The following LRRTM4 variants were observed in gnomAD, a reference collection of about 807,000 sequenced individuals.
LRRTM4 encodes leucine rich repeat transmembrane neuronal 4.
In LRRTM4, 25 loss-of-function variants were observed where a neutral mutation model predicts 47.6. The ratio of observed to expected loss-of-function variants is 0.53; its 90% confidence interval spans 0.38 to 0.73. The LOEUF (loss-of-function observed/expected upper bound fraction) is 0.73. Ranked by LOEUF, LRRTM4 falls within the 30% of genes least tolerant of loss-of-function variation. The pLI, the probability that LRRTM4 is intolerant of heterozygous loss-of-function variation, is 0.00. For synonymous variants in LRRTM4, 311 were observed against 269.5 expected, an observed-to-expected ratio of 1.15 and a Z score of -1.51; for missense variants, 638 against 713.4, an observed-to-expected ratio of 0.89 and a Z score of 1.20.
chr2:76,788,684 G>T (rs1424676309), intron 3 of LRRTM4, among the ~76,000 whole-genome samples: 1 of 152,146 alleles, frequency 6.6e-6, no homozygotes, highest in African/African-American at 2.4e-5. Flanking sequence ...CAATCTTGTA[G>T]GACTGTGTGT....
chr2:76,997,865 G>A (rs1025994577), intron 3 of LRRTM4, among the ~76,000 whole-genome samples: 2 of 151,838 alleles, frequency 1.3e-5, no homozygotes, highest in Non-Finnish European at 2.9e-5. Flanking sequence ...GTGGCATCAT[G>A]AGATTCTCAA....
chr2:76,816,332 T>C (rs907148161), intron 3 of LRRTM4, among the ~76,000 whole-genome samples: 1 of 152,062 alleles, frequency 6.6e-6, no homozygotes, highest in Non-Finnish European at 1.5e-5. Context: ...CACCGACATC[T>C]GAAGTATAAT....
In LRRTM4 at chr2:77,500,189, G is replaced by A. The variant is rs556657554; in HGVS notation, c.1551+18129C>T. 2.6e-5 allele frequency among the ~76,000 whole-genome samples: 4 copies of A among 151,832 alleles called. No individual in the cohort carries two copies. In the East Asian group the frequency reaches 7.8e-4, roughly 30 times the overall value. On this transcript the variant is annotated intron_variant, in intron 3 of 3. Coordinates refer to ENST00000409884, the MANE Select transcript of LRRTM4 (RefSeq NM_001134745.3). ...ATGTTCTTGGACCAAATCACCCACA[G>A]TAAGGCTTTTCCTCCTCAGAATTAT...
chr2:76,773,625 TA>T lies in LRRTM4; in HGVS notation c.1552-24710del, dbSNP rs1673814847. Among the ~76,000 whole-genome samples, 10 of 151,794 alleles carry T rather than the reference TA, an allele frequency of 6.6e-5. No homozygotes were observed. In the South Asian group the frequency reaches 1.4e-3, roughly 22 times the overall value. The stretch of plus-strand genomic sequence containing the variant: ...CAAAGGAACAACTAAAAATAAAAAA[TA>T]AATAATAAATTATTAAAATTCCCCT... On this transcript the variant is annotated intron_variant, in intron 3 of 3. Coordinates refer to ENST00000409884, the MANE Select transcript of LRRTM4 (RefSeq NM_001134745.3).
intron 3 of LRRTM4, among the ~76,000 whole-genome samples, chr2:77,246,003 A>T (rs936424138): frequency 6.6e-6 from 1 of 152,198 alleles, no homozygotes; most frequent in Non-Finnish European, 1.5e-5. Context: ...AATGCCACTA[A>T]ATACACTGTA....
intron 3 of LRRTM4, among the ~76,000 whole-genome samples, chr2:77,332,590 T>C (rs1671010719): frequency 6.6e-6 from 1 of 152,284 alleles, no homozygotes; most frequent in East Asian, 1.9e-4. Context: ...TTGCTAATCA[T>C]ATTTATTTTT....
chr2:77,327,046 G>A (rs945407864), intron 3 of LRRTM4, among the ~76,000 whole-genome samples: 5 of 152,116 alleles, frequency 3.3e-5, no homozygotes, highest in African/African-American at 1.2e-4. Context: ...CTTTAATCTG[G>A]AGTTTTCTCT....
At chr2:76,965,499 C>T (rs888666670) in intron 3 of LRRTM4, among the ~76,000 whole-genome samples, 1 of 151,194 alleles carries the variant, frequency 6.6e-6, no homozygotes, top group African/African-American at 2.4e-5. Flanking sequence ...TCTTTAATTT[C>T]TAAACATTTA....
At chr2:77,036,903 T>C (rs1027039132) in intron 3 of LRRTM4, among the ~76,000 whole-genome samples, 28 of 151,752 alleles carry the variant, frequency 1.8e-4, no homozygotes, top group African/African-American at 6.8e-4. Flanking sequence ...GATTATTTAT[T>C]AACCTAAGGT....
intron 3 of LRRTM4, among the ~76,000 whole-genome samples, chr2:76,925,074 G>C (rs11886794): frequency 0.063 from 9,605 of 151,960 alleles, 738 homozygotes; most frequent in African/African-American, 0.17. Flanking sequence ...ATAATACATT[G>C]TATGGCAAAT....
intron 3 of LRRTM4, among the ~76,000 whole-genome samples, chr2:77,123,360 C>G (rs550138431): frequency 6.6e-6 from 1 of 152,026 alleles, no homozygotes. Context: ...ATTTCTTCCT[C>G]TTTTCTGGCT....
chr2:77,077,123 C>T (rs1157222576), intron 3 of LRRTM4, among the ~76,000 whole-genome samples: 1 of 152,098 alleles, frequency 6.6e-6, no homozygotes, highest in Non-Finnish European at 1.5e-5. Context: ...GAGTATCACA[C>T]CATATGCAAA....
chr2:77,417,164 A>G (rs902187385), intron 3 of LRRTM4, among the ~76,000 whole-genome samples: 24 of 152,116 alleles, frequency 1.6e-4, no homozygotes, highest in African/African-American at 3.1e-4. Flanking sequence ...CTGGCCATCA[A>G]ACAAATGCAA....
chr2:76,949,089 G>A (rs1188351537), intron 3 of LRRTM4, among the ~76,000 whole-genome samples: 8 of 144,206 alleles, frequency 5.5e-5, no homozygotes, highest in African/African-American at 1.1e-4. Flanking sequence ...AGAGTGCTTT[G>A]GGGAAAATAA....
At chr2:76,749,068 T>C (rs1336833208) in intron 3 of LRRTM4, among the ~76,000 whole-genome samples, 152 bp from the exon 4 acceptor site, 2 of 152,216 alleles carry the variant, frequency 1.3e-5, no homozygotes, top group African/African-American at 4.8e-5. Context: ...AAAATGATGA[T>C]TACTATTTAA....
chr2:76,876,662 C>T (rs1672788108), intron 3 of LRRTM4, among the ~76,000 whole-genome samples: 1 of 151,874 alleles, frequency 6.6e-6, no homozygotes, highest in African/African-American at 2.4e-5. Flanking sequence ...TTCTTCCCAT[C>T]CTACTTTCTT....
intron 3 of LRRTM4, among the ~76,000 whole-genome samples, chr2:77,155,345 A>T (rs1375073175): frequency 2.6e-5 from 4 of 151,984 alleles, no homozygotes; most frequent in Admixed American, 2.6e-4. Flanking sequence ...ATAAAGAAAA[A>T]AATAGAATTT....
At chr2:77,468,904 G>A (rs1159752664) in intron 3 of LRRTM4, among the ~76,000 whole-genome samples, 1 of 152,128 alleles carries the variant, frequency 6.6e-6, no homozygotes, top group African/African-American at 2.4e-5. Flanking sequence ...CTGCTAAATG[G>A]ACCCATTCTG....
intron 3 of LRRTM4, among the ~76,000 whole-genome samples, chr2:77,392,222 T>C (rs1410508552): frequency 1.3e-5 from 2 of 152,032 alleles, no homozygotes; most frequent in Non-Finnish European, 2.9e-5. Flanking sequence ...AGGTGGAGCT[T>C]ATTCCTTTCA....
Sources: allele counts gnomAD v4.1 joint callset (sites outside exome capture counted in the v4.1 genomes callset), GRCh38; gene constraint gnomAD v4.1.1; transcripts MANE v1.5; gene names NCBI Gene and HGNC (gene_info 2026-07-23, HGNC 2026-07-21).